The following DGKE variants were observed in gnomAD, a reference collection of about 807,000 sequenced individuals.
The protein encoded by DGKE is diacylglycerol kinase epsilon.
Under a neutral mutation model 70.0 loss-of-function variants are expected in DGKE, and 53 were observed. The observed-to-expected ratio is 0.76, with a 90% confidence interval of 0.61 to 0.95. DGKE has a LOEUF of 0.95. DGKE is among the 40% of genes least tolerant of loss of function. The pLI, the probability that DGKE is intolerant of heterozygous loss-of-function variation, is 0.00. For missense variants in DGKE, 655 were observed against 706.9 expected (o/e 0.93, Z 0.83); for synonymous variants, 291 against 257.0 (o/e 1.13, Z -1.27).
chr17:56,860,929 T>C (rs1016710937), intron 9 of DGKE, among the ~76,000 whole-genome samples: 7 of 152,224 alleles, frequency 4.6e-5, no homozygotes, highest in Admixed American at 1.3e-4. Flanking sequence ...TATTTCATCA[T>C]GGGCATTGAA....
chr17:56,860,363 T>G (rs1908218900), intron 9 of DGKE, among the ~76,000 whole-genome samples: 1 of 152,118 alleles, frequency 6.6e-6, no homozygotes, highest in South Asian at 2.1e-4. Context: ...GAGACTCCAC[T>G]TTTATAAAAA....
intron 4 of DGKE, among the ~76,000 whole-genome samples, chr17:56,846,789 CATACAA>C (rs1158547912): frequency 6.6e-6 from 1 of 152,036 alleles, no homozygotes; most frequent in Admixed American, 6.5e-5. Flanking sequence ...GCAATTTCTC[CATACAA>C]ATACATCAGT....
At position 56,834,781 on chromosome 17, in the gene DGKE, T is replaced by G; in HGVS notation, c.-15T>G. On this transcript the variant is annotated 5_prime_UTR_variant, in exon 2 of 12. Coordinates refer to ENST00000284061, the MANE Select transcript of DGKE (RefSeq NM_003647.3). ...CGCCTGTTTCTTTTCTGGTTAGGTA[T>G]CGTCCTTGGAGAAGATGGAAGCGGA... The G allele has an allele frequency of 6.3e-7, 1 of 1,585,180 alleles. No individual in the cohort carries two copies. Among genetic ancestry groups the G allele is most frequent in the Non-Finnish European group, 8.6e-7 (1 of 1,166,846 alleles).
In DGKE at chr17:56,868,828, C is replaced by A. The variant is rs1430692559; in HGVS notation, c.*6037C>A. The A allele has an allele frequency of 6.6e-6, 1 of 152,150 alleles. No individual in the cohort carries two copies. The highest frequency in any genetic ancestry group is 2.4e-5 in the African/African-American group (1 of 41,436). 9.4% of individuals were successfully genotyped at this position (152,150 alleles called of 1,614,324 possible). A position where few individuals can be genotyped will look rare whatever the true frequency, so the allele number is the denominator to read the frequency against. ...TTTTAGACAGAAAGAATAAAAAATT[C>A]ATATTGCATGGCTTTTGTAGCCTAA... On this transcript the variant is annotated 3_prime_UTR_variant, in exon 12 of 12. Coordinates refer to ENST00000284061, the MANE Select transcript of DGKE (RefSeq NM_003647.3).
chr17:56,843,518 G>A (rs1053905768), intron 2 of DGKE, among the ~76,000 whole-genome samples: 1 of 151,984 alleles, frequency 6.6e-6, no homozygotes, highest in African/African-American at 2.4e-5. Flanking sequence ...GCTGTTAGGC[G>A]GGGCACAGTG....
chr17:56,848,765 T>C lies in DGKE; in HGVS notation c.958T>C (p.Leu320=). The C allele has an allele frequency of 6.2e-7, 1 of 1,614,134 alleles. No homozygotes were observed. The highest frequency in any genetic ancestry group is 8.5e-7 in the Non-Finnish European group (1 of 1,180,010). Residue 320 remains leucine (L), a synonymous_variant, in exon 6 of 12, where the codon TTG becomes CTG. Coordinates refer to ENST00000284061, the MANE Select transcript of DGKE (RefSeq NM_003647.3). ...LGTGNDLSNT[L]GWGTGYAGEI... is the part of the protein sequence containing the mutation. ...AACAGGCAACGATCTATCCAATACA[T>C]TGGGTTGGGGTACAGGTTATGCTGG...
In DGKE at chr17:56,869,244, A is replaced by G. The variant is rs1317212318; in HGVS notation, c.*6453A>G. On this transcript the variant is annotated 3_prime_UTR_variant, in exon 12 of 12. Transcript: ENST00000284061. ...ATTTTTCTAGAAAAGACAGAAGTTT[A>G]GAGTATATGAAATCTAATTTTTAAG... 1 of 152,224 alleles carries G rather than the reference A, an allele frequency of 6.6e-6. No homozygotes were observed. Among genetic ancestry groups the G allele is most frequent in the Admixed American group, 6.5e-5 (1 of 15,284 alleles). 9.4% of individuals were successfully genotyped at this position (152,224 alleles called of 1,614,324 possible).
At chr17:56,842,817 T>C (rs1907067089) in intron 2 of DGKE, among the ~76,000 whole-genome samples, 1 of 152,230 alleles carries the variant, frequency 6.6e-6, no homozygotes, top group Non-Finnish European at 1.5e-5. Flanking sequence ...AGATCTGCCT[T>C]ATCTGTGAGT....
At chr17:56,862,426 A>G in intron 11 of DGKE, 175 bp downstream of exon 11, 2 of 856,896 alleles carry the variant, frequency 2.3e-6, no homozygotes, top group Non-Finnish European at 3.5e-6. Flanking sequence ...ATGGCTCAAG[A>G]TCCATGAGAT....
chr17:56,835,290 G>C (rs1906534715), intron 2 of DGKE, 31 bp downstream of exon 2: 1 of 1,574,790 alleles, frequency 6.4e-7, no homozygotes, highest in Non-Finnish European at 8.6e-7. Flanking sequence ...CACTGTCCCA[G>C]AATGCGCCGT....
In DGKE at chr17:56,858,670, G is replaced by A; in HGVS notation, c.1284+5G>A. 1.3e-6 allele frequency: 2 copies of A among 1,589,472 alleles called. No homozygotes were observed. The highest frequency in any genetic ancestry group is 1.7e-6 in the Non-Finnish European group (2 of 1,166,498). On this transcript the variant is annotated splice_donor_5th_base_variant and intron_variant, in intron 9 of 11. Coordinates refer to ENST00000284061, the MANE Select transcript of DGKE (RefSeq NM_003647.3). ...GATTTGAATAAAAAAGTTGAGGTAA[G>A]CTATTAACACTTTTTATTTTTTAAA...
At chr17:56,858,767 G>A (rs565160189) in intron 9 of DGKE, 102 bp downstream of exon 9, 2 of 872,368 alleles carry the variant, frequency 2.3e-6, no homozygotes, top group Admixed American at 3.1e-5. Flanking sequence ...TATTTTGCCA[G>A]CATACATAGA....
chr17:56,862,852 A>G lies in DGKE; in HGVS notation c.*61A>G, dbSNP rs1366294622. 4.5e-6 allele frequency: 6 copies of G among 1,337,264 alleles called. No homozygotes were observed. Among genetic ancestry groups the G allele is most frequent in the Non-Finnish European group, 5.8e-6 (6 of 1,028,356 alleles). The allele number at this position is 1,337,264 out of a possible 1,614,324, so 82.8% of individuals were successfully genotyped here. A position where few individuals can be genotyped will look rare whatever the true frequency, so the allele number is the denominator to read the frequency against. ...CACGCAAGTAGATACATGTTCATCC[A>G]AAAGTATTAATAGAAATTCTCTATC... On this transcript the variant is annotated 3_prime_UTR_variant, in exon 12 of 12. Coordinates refer to ENST00000284061, the MANE Select transcript of DGKE (RefSeq NM_003647.3).
chr17:56,834,412 G>A (rs953450192), intron 1 of DGKE, among the ~76,000 whole-genome samples, 152 bp downstream of exon 1: 2 of 152,228 alleles, frequency 1.3e-5, no homozygotes, highest in African/African-American at 4.8e-5. Flanking sequence ...TACGGGCGCC[G>A]ACCGGCGTTG....
chr17:56,866,966 T>C lies in DGKE; in HGVS notation c.*4175T>C, dbSNP rs1269403213. The C allele has an allele frequency of 6.6e-6, 1 of 152,258 alleles. No homozygotes were observed. The highest frequency in any genetic ancestry group is 2.4e-5 in the African/African-American group (1 of 41,480). The allele number at this position is 152,258 out of a possible 1,614,324, so 9.4% of individuals were successfully genotyped here. A position where few individuals can be genotyped will look rare whatever the true frequency, so the allele number is the denominator to read the frequency against. ...TGGAGGTCTCCGTCGCTGTTTAGAATGTGGCCACTTGGCTGTTTCACAGTT... is the reference window on the plus strand; with the variant it reads ...TGGAGGTCTCCGTCGCTGTTTAGAACGTGGCCACTTGGCTGTTTCACAGTT... On this transcript the variant is annotated 3_prime_UTR_variant, in exon 12 of 12. Transcript: ENST00000284061.
At chr17:56,848,923 G>A in intron 6 of DGKE, 70 bp downstream of exon 6, 1 of 1,592,564 alleles carries the variant, frequency 6.3e-7, no homozygotes, top group South Asian at 1.1e-5. Flanking sequence ...GTGAAGACTT[G>A]TGTAGATGAA....
In DGKE at chr17:56,864,252, G is replaced by C. The variant is rs983444019; in HGVS notation, c.*1461G>C. 5.9e-5 allele frequency: 9 copies of C among 152,088 alleles called. No homozygotes were observed. The highest frequency in any genetic ancestry group is 2.2e-4 in the African/African-American group (9 of 41,436). 9.4% of individuals were successfully genotyped at this position (152,088 alleles called of 1,614,324 possible). ...TTCTGACACATGGCCCAGGCTTTGT[G>C]GTCTTTCATGACATTAATCTCTGAA... is the stretch of plus-strand genomic sequence containing the variant. On this transcript the variant is annotated 3_prime_UTR_variant, in exon 12 of 12. Transcript: ENST00000284061.
Position 56,856,529 on chromosome 17 carries a change from C to CT in DGKE, c.1117dup (p.Tyr373LeufsTer7). 1 of 1,613,272 alleles carries CT rather than the reference C, an allele frequency of 6.2e-7. No individual in the cohort carries two copies. The highest frequency in any genetic ancestry group is 8.5e-7 in the Non-Finnish European group (1 of 1,179,736). The stretch of plus-strand genomic sequence containing the variant: ...TCTCACAGGAATTCACAATGAACAA[C>CT]TATTTTTCTGTTGGACCTGATGCTC... On this transcript the variant is annotated frameshift_variant, in exon 8 of 12. Transcript: ENST00000284061. LOFTEE classifies it high-confidence loss of function.
At chr17:56,846,654 T>G (rs2078517) in intron 4 of DGKE, among the ~76,000 whole-genome samples, 3 of 150,636 alleles carry the variant, frequency 2.0e-5, no homozygotes, top group Non-Finnish European at 3.0e-5. Flanking sequence ...TACAAAAAAA[T>G]TTTAAAGACA....
Sources: gnomAD v4.1 joint callset for allele counts (sites outside exome capture counted in the v4.1 genomes callset) on GRCh38, gnomAD v4.1.1 for gene constraint, MANE v1.5 for transcripts, NCBI Gene and HGNC (gene_info 2026-07-23, HGNC 2026-07-21) for gene names.